The following PRELID2 variants were observed in gnomAD, a reference collection of about 807,000 sequenced individuals.
The protein encoded by PRELID2 is PRELI domain-containing protein 2.
Under a neutral mutation model 28.4 loss-of-function variants are expected in PRELID2, and 25 were observed. That is an observed-to-expected ratio of 0.88 (90% CI 0.64 to 1.23). The LOEUF is 1.23. Among genes scored for constraint, PRELID2 ranks in the 50% most tolerant of loss-of-function variants. The pLI, the probability that PRELID2 is intolerant of heterozygous loss-of-function variation, is 0.00. For missense variants in PRELID2, 201 were observed against 214.4 expected (o/e 0.94, Z 0.39); for synonymous variants, 76 against 71.6 (o/e 1.06, Z -0.31).
chr5:145,524,964 A>T (rs1475326248), intron 1 of PRELID2, among the ~76,000 whole-genome samples: 1 of 152,158 alleles, frequency 6.6e-6, no homozygotes, highest in East Asian at 1.9e-4. Context: ...CAAGTTAGCT[A>T]ATTATATTTT....
intron 1 of PRELID2, among the ~76,000 whole-genome samples, chr5:145,653,547 T>A (rs1051076415): frequency 5.9e-5 from 9 of 152,020 alleles, no homozygotes; most frequent in Non-Finnish European, 1.2e-4. Flanking sequence ...ATAACAAACT[T>A]TCTCTCAGAC....
intron 2 of PRELID2, 29 bp downstream of exon 2, chr5:145,823,047 AT>A: frequency 8.6e-7 from 1 of 1,168,286 alleles, no homozygotes; most frequent in South Asian, 1.2e-5. Flanking sequence ...TTTAATGATC[AT>A]TACTGAAAAA....
At chr5:145,231,479 A>C in the PRELID2 span, among the ~76,000 whole-genome samples, 1 of 152,196 alleles carries the variant, frequency 6.6e-6, no homozygotes, top group Non-Finnish European at 1.5e-5. Flanking sequence ...AATGCAAGAC[A>C]CTATGGTTAT....
the PRELID2 span, among the ~76,000 whole-genome samples, chr5:145,408,439 A>G: frequency 7.0e-6 from 1 of 143,416 alleles, no homozygotes; most frequent in African/African-American, 2.6e-5. Context: ...TATGTATAAC[A>G]TATATATGTA....
chr5:145,458,081 A>C, the PRELID2 span, among the ~76,000 whole-genome samples: 1 of 152,200 alleles, frequency 6.6e-6, no homozygotes, highest in East Asian at 1.9e-4. Context: ...GACATCTATC[A>C]CTCTACTAAC....
chr5:145,313,148 T>C, the PRELID2 span, among the ~76,000 whole-genome samples: 2 of 152,204 alleles, frequency 1.3e-5, no homozygotes, highest in Non-Finnish European at 2.9e-5. Context: ...GGACTTTAGA[T>C]AGCAAGGTTC....
At chr5:145,425,851 A>G in the PRELID2 span, among the ~76,000 whole-genome samples, 1 of 149,552 alleles carries the variant, frequency 6.7e-6, no homozygotes, top group Non-Finnish European at 1.5e-5. Context: ...AAAGTTGAAG[A>G]AAAAAAAAAT....
chr5:145,645,133 T>C (rs1276438075), intron 1 of PRELID2, among the ~76,000 whole-genome samples: 1 of 152,116 alleles, frequency 6.6e-6, no homozygotes, highest in African/African-American at 2.4e-5. Flanking sequence ...CCTCCCACTA[T>C]TATTGTGTGG....
chr5:145,592,258 T>C (rs965108760), intron 1 of PRELID2, among the ~76,000 whole-genome samples: 2 of 151,928 alleles, frequency 1.3e-5, no homozygotes, highest in Non-Finnish European at 2.9e-5. Context: ...CTACTAAAAA[T>C]ACAAAAATTA....
At chr5:145,463,026 T>C in the PRELID2 span, among the ~76,000 whole-genome samples, 2 of 152,056 alleles carry the variant, frequency 1.3e-5, no homozygotes, top group Non-Finnish European at 2.9e-5. Context: ...TAGTAAAAAA[T>C]AAATAAATAA....
chr5:145,691,143 C>A (rs930108994), intron 1 of PRELID2, among the ~76,000 whole-genome samples: 1 of 152,118 alleles, frequency 6.6e-6, no homozygotes, highest in Non-Finnish European at 1.5e-5. Context: ...ACTGTGAGTT[C>A]TTTACATGTT....
chr5:145,801,434 A>G (rs1753134605), intron 4 of PRELID2, among the ~76,000 whole-genome samples: 1 of 152,112 alleles, frequency 6.6e-6, no homozygotes, highest in Admixed American at 6.6e-5. Flanking sequence ...AGGATGACTC[A>G]AGTTTTCCTT....
the PRELID2 span, among the ~76,000 whole-genome samples, chr5:145,346,112 C>T: frequency 6.6e-6 from 1 of 152,224 alleles, no homozygotes; most frequent in Non-Finnish European, 1.5e-5. Context: ...GGGCAAATTA[C>T]TCAGCCTTTG....
At chr5:145,736,200 A>C (rs1756491142) in intron 1 of PRELID2, among the ~76,000 whole-genome samples, 1 of 152,210 alleles carries the variant, frequency 6.6e-6, no homozygotes, top group Admixed American at 6.5e-5. Flanking sequence ...ATAGTATTTA[A>C]CTGTTGCTAT....
chr5:145,467,075 A>ATCT (rs1752008976), downstream of PRELID2, among the ~76,000 whole-genome samples: 1 of 152,154 alleles, frequency 6.6e-6, no homozygotes. Context: ...TCCCAGGAGT[A>ATCT]TCTTCCCAGA....
intron 1 of PRELID2, among the ~76,000 whole-genome samples, chr5:145,601,587 C>T (rs567735067): frequency 5.9e-5 from 9 of 152,114 alleles, no homozygotes; most frequent in South Asian, 2.1e-4. Flanking sequence ...ACTTTTAAAT[C>T]ATATTGAAGA....
chr5:145,801,909 T>C (rs1257124009), intron 4 of PRELID2, among the ~76,000 whole-genome samples: 1 of 152,238 alleles, frequency 6.6e-6, no homozygotes, highest in East Asian at 1.9e-4. Flanking sequence ...CTACTGCTAC[T>C]GCCTGGGCTT....
the PRELID2 span, among the ~76,000 whole-genome samples, chr5:145,278,735 A>G: frequency 1.3e-5 from 2 of 152,130 alleles, no homozygotes; most frequent in Non-Finnish European, 2.9e-5. Context: ...ACAAGGAGGT[A>G]AGGGTCATGG....
Position 145,507,715 on chromosome 5 carries a change from C to T in PRELID2, n.71-34400G>A, listed in dbSNP as rs116534415. On this transcript the variant is annotated intron_variant and non_coding_transcript_variant, in intron 1 of 2. Transcript: ENST00000510259. ...TGTTTCCACAAGAATTGCTTCAAGC[C>T]GACAAGACTGTCTCCACATTAACCC... Among the ~76,000 whole-genome samples, 940 of 152,150 alleles carry T rather than the reference C, an allele frequency of 6.2e-3. 10 individuals carry two copies. The highest frequency in any genetic ancestry group is 0.022 in the African/African-American group (906 of 41,496).
Sources: gnomAD v4.1 joint callset for allele counts (sites outside exome capture counted in the v4.1 genomes callset) on GRCh38, gnomAD v4.1.1 for gene constraint, MANE v1.5 for transcripts, NCBI Gene and HGNC (gene_info 2026-07-23, HGNC 2026-07-21) for gene names.